The following ZFAND3 variants were observed in gnomAD, a reference collection of about 807,000 sequenced individuals.
ZFAND3 encodes the protein zinc finger AN1-type containing 3, also known as AN1-type zinc finger protein 3.
ZFAND3 carries 10 observed loss-of-function variants against 29.6 expected under a neutral mutation model. That is an observed-to-expected ratio of 0.34 (90% CI 0.21 to 0.57). ZFAND3 has a LOEUF of 0.57. Ranked by LOEUF, ZFAND3 falls within the 20% of genes least tolerant of loss-of-function variation. The probability of loss-of-function intolerance (pLI) is 0.86; values close to 1 mark genes in which losing one functional copy is unlikely to be tolerated. For synonymous variants in ZFAND3, 128 were observed against 112.6 expected (o/e 1.14, Z -0.87); for missense variants, 230 against 304.5 (o/e 0.76, Z 1.82).
chr6:38,091,340 A>C lies in ZFAND3; in HGVS notation c.361+8883A>C, dbSNP rs537613348. Among the ~76,000 whole-genome samples the C allele has an allele frequency of 2.0e-5, 3 of 151,892 alleles. No individual in the cohort carries two copies. The East Asian group carries it at 5.8e-4, about 29-fold the overall frequency. On this transcript the variant is annotated intron_variant, in intron 4 of 5. Coordinates refer to ENST00000287218, the MANE Select transcript of ZFAND3 (RefSeq NM_021943.3). ...TTATTTTATCATAGGTTGCATTCTT[A>C]CCAAGGAGAAAGAGCCCTGAACTTT...
intron 1 of ZFAND3, among the ~76,000 whole-genome samples, chr6:37,842,084 C>G (rs1048695169): frequency 1.3e-5 from 2 of 152,114 alleles, no homozygotes; most frequent in Non-Finnish European, 2.9e-5. Flanking sequence ...TATAAAGGTA[C>G]TAATTCCATT....
At chr6:38,044,220 C>T (rs1038654122) in intron 2 of ZFAND3, among the ~76,000 whole-genome samples, 2 of 152,152 alleles carry the variant, frequency 1.3e-5, no homozygotes, top group East Asian at 3.8e-4. Flanking sequence ...TAAACTGACC[C>T]TTTTCACACT....
chr6:37,853,249 T>G (rs984834325), intron 1 of ZFAND3, among the ~76,000 whole-genome samples: 1 of 151,606 alleles, frequency 6.6e-6, no homozygotes, highest in Non-Finnish European at 1.5e-5. Flanking sequence ...GAGAAGAAAA[T>G]TGGCTAAAAT....
intron 2 of ZFAND3, among the ~76,000 whole-genome samples, chr6:38,024,418 G>A (rs983674430): frequency 6.6e-6 from 1 of 150,832 alleles, no homozygotes; most frequent in Non-Finnish European, 1.5e-5. Flanking sequence ...CTTGCAGTGA[G>A]CTGAGATGTG....
chr6:38,012,897 T>G (rs1239163998), intron 2 of ZFAND3, among the ~76,000 whole-genome samples: 1 of 152,194 alleles, frequency 6.6e-6, no homozygotes, highest in Non-Finnish European at 1.5e-5. Flanking sequence ...TTATACAAAA[T>G]TCTTTTTTGT....
intron 2 of ZFAND3, among the ~76,000 whole-genome samples, chr6:37,974,158 G>T (rs986831503): frequency 6.6e-6 from 1 of 152,070 alleles, no homozygotes; most frequent in Admixed American, 6.5e-5. Flanking sequence ...TCTCCCCTAG[G>T]TTCAAGCGAT....
chr6:37,991,470 A>G (rs1313660884), intron 2 of ZFAND3, among the ~76,000 whole-genome samples: 5 of 151,952 alleles, frequency 3.3e-5, no homozygotes, highest in African/African-American at 4.8e-5. Flanking sequence ...CTCCTGCCTC[A>G]TCCTCCCGAG....
chr6:38,102,845 C>T (rs1765120630), intron 4 of ZFAND3, among the ~76,000 whole-genome samples: 1 of 152,162 alleles, frequency 6.6e-6, no homozygotes, highest in African/African-American at 2.4e-5. Context: ...CAACCTCCGC[C>T]TCCTGGGTTC....
chr6:38,120,897 G>A (rs1314903097), intron 5 of ZFAND3, among the ~76,000 whole-genome samples: 1 of 152,224 alleles, frequency 6.6e-6, no homozygotes, highest in African/African-American at 2.4e-5. Context: ...TCATCTCCAA[G>A]TGCCTCAGTG....
chr6:37,918,971 T>TTTTTTTTTTTTTG (rs1761321038), intron 1 of ZFAND3, among the ~76,000 whole-genome samples: 1 of 111,956 alleles, frequency 8.9e-6, no homozygotes, highest in African/African-American at 3.1e-5. Flanking sequence ...TTTTTTTTTT[T>TTTTTTTTTTTTTG]GAGACGGAGT....
chr6:37,873,134 G>A lies in ZFAND3; in HGVS notation c.71+53118G>A, dbSNP rs111851084. On this transcript the variant is annotated intron_variant, in intron 1 of 5. Coordinates refer to ENST00000287218, the MANE Select transcript of ZFAND3 (RefSeq NM_021943.3). ...ACCCCCCAAAAAATTAGCCAGGCGCGGTGGCGGGTGCCTGTAGTACCAGCT... is the reference window on the plus strand; with the variant it reads ...ACCCCCCAAAAAATTAGCCAGGCGCAGTGGCGGGTGCCTGTAGTACCAGCT... 3.1e-3 allele frequency among the ~76,000 whole-genome samples: 475 copies of A among 152,308 alleles called. 3 individuals are homozygous for A. Among genetic ancestry groups the A allele is most frequent in the African/African-American group, 0.011 (446 of 41,570 alleles).
intron 4 of ZFAND3, among the ~76,000 whole-genome samples, chr6:38,093,415 T>TTA (rs2127474859): frequency 6.6e-6 from 1 of 152,312 alleles, no homozygotes; most frequent in South Asian, 2.1e-4. Context: ...ATGAGTTAAA[T>TTA]TATTATAGTC....
chr6:38,031,257 C>T (rs1354453076), intron 2 of ZFAND3, among the ~76,000 whole-genome samples: 3 of 152,140 alleles, frequency 2.0e-5, no homozygotes, highest in African/African-American at 7.2e-5. Flanking sequence ...TAATCACATA[C>T]CTGGATTTTG....
At chr6:37,896,471 G>T (rs1342717863) in intron 1 of ZFAND3, among the ~76,000 whole-genome samples, 1 of 151,390 alleles carries the variant, frequency 6.6e-6, no homozygotes, top group Admixed American at 6.6e-5. Context: ...CTTTGTATCT[G>T]TGTTCATGAA....
chr6:37,856,435 T>G (rs1194628125), intron 1 of ZFAND3, among the ~76,000 whole-genome samples: 1 of 152,212 alleles, frequency 6.6e-6, no homozygotes, highest in Non-Finnish European at 1.5e-5. Flanking sequence ...CTTGTTTCTT[T>G]CAGTATTCAG....
chr6:38,024,501 C>G (rs891608870), intron 2 of ZFAND3, among the ~76,000 whole-genome samples: 1 of 150,512 alleles, frequency 6.6e-6, no homozygotes, highest in Non-Finnish European at 1.5e-5. Flanking sequence ...CCTAAACGTG[C>G]ATGTTTGTTG....
chr6:38,038,106 G>A (rs868005068), intron 2 of ZFAND3, among the ~76,000 whole-genome samples: 11 of 152,032 alleles, frequency 7.2e-5, no homozygotes, highest in Admixed American at 6.5e-4. Flanking sequence ...GCTGCTGTGC[G>A]GCCCAGCAAG....
chr6:37,887,968 C>G lies in ZFAND3; in HGVS notation c.72-41991C>G, dbSNP rs949175558. ...TTTGACTTGTATGTTCTCATCTATCCGTCATTCTTGACTATACTAAGAAGG... is the reference window on the plus strand; with the variant it reads ...TTTGACTTGTATGTTCTCATCTATCGGTCATTCTTGACTATACTAAGAAGG... On this transcript the variant is annotated intron_variant, in intron 1 of 5. Coordinates refer to ENST00000287218, the MANE Select transcript of ZFAND3 (RefSeq NM_021943.3). Among the ~76,000 whole-genome samples, 11 of 152,218 alleles carry G rather than the reference C, an allele frequency of 7.2e-5. 1 individual carries two copies. Among genetic ancestry groups the G allele is most frequent in the Admixed American group, 3.3e-4 (5 of 15,296 alleles).
At chr6:37,946,258 A>G (rs528968702) in intron 2 of ZFAND3, among the ~76,000 whole-genome samples, 3 of 152,284 alleles carry the variant, frequency 2.0e-5, no homozygotes, top group South Asian at 4.1e-4. Flanking sequence ...ATGTGACTGA[A>G]TGGAGGCTAT....
Sources: allele counts gnomAD v4.1 joint callset (sites outside exome capture counted in the v4.1 genomes callset), GRCh38; gene constraint gnomAD v4.1.1; transcripts MANE v1.5; gene names NCBI Gene and HGNC (gene_info 2026-07-23, HGNC 2026-07-21).